The following NPLOC4 variants were observed in gnomAD, a reference collection of about 807,000 sequenced individuals.
The protein encoded by NPLOC4 is nuclear protein localization protein 4 homolog.
In NPLOC4, 18 loss-of-function variants were observed where a neutral mutation model predicts 80.6. That is an observed-to-expected ratio of 0.22 (90% CI 0.15 to 0.33). NPLOC4 has a LOEUF of 0.33. NPLOC4 is among the 10% of genes least tolerant of loss of function. The pLI, the probability that NPLOC4 is intolerant of heterozygous loss-of-function variation, is 1.00. For missense variants in NPLOC4, 540 were observed against 786.1 expected, an observed-to-expected ratio of 0.69 and a Z score of 3.74; for synonymous variants, 313 against 301.5, an observed-to-expected ratio of 1.04 and a Z score of -0.39.
At chr17:81,621,140 A>G (rs1041230101) in intron 3 of NPLOC4, among the ~76,000 whole-genome samples, 4 of 152,188 alleles carry the variant, frequency 2.6e-5, no homozygotes, top group African/African-American at 9.6e-5. Context: ...AAAAGAAAAA[A>G]AAAAGAAAAA....
At chr17:81,565,396 G>T in intron 16 of NPLOC4, 109 bp downstream of exon 16, 1 of 946,248 alleles carries the variant, frequency 1.1e-6, no homozygotes, top group Non-Finnish European at 1.6e-6. Flanking sequence ...CTGCCAGGAT[G>T]CAGCTGGGTG....
chr17:81,588,310 A>G (rs2034643741), intron 12 of NPLOC4: 1 of 152,254 alleles, frequency 6.6e-6, no homozygotes, highest in Non-Finnish European at 1.5e-5. Context: ...GAGTAGCTGC[A>G]ATTGGCAGGA....
intron 8 of NPLOC4, among the ~76,000 whole-genome samples, chr17:81,602,919 A>G (rs1446187936): frequency 7.6e-6 from 1 of 131,602 alleles, no homozygotes; most frequent in East Asian, 2.1e-4. Context: ...ATATATGTAT[A>G]TATACACACA....
rs150951926 is a variant in NPLOC4, at chr17:81,584,953, T to A, written c.1281+3991A>T. Among the ~76,000 whole-genome samples, 328 of 152,054 alleles carry A rather than the reference T, an allele frequency of 2.2e-3. 4 individuals are homozygous for A. Among genetic ancestry groups the A allele is most frequent in the African/African-American group, 7.4e-3 (306 of 41,476 alleles). On this transcript the variant is annotated intron_variant, in intron 12 of 16. Coordinates refer to ENST00000331134, the MANE Select transcript of NPLOC4 (RefSeq NM_017921.4). ...AGGCCGAGGTGGGCAGATTGCCTGC[T>A]GAGCTCAGGAGTTCATGACCAGCCT...
At position 81,610,186 on chromosome 17, in the gene NPLOC4, AACTT is replaced by A; in HGVS notation, c.435+20_435+23del. ...CCCGCAGCCCCCCACACTGGCCCAG[AACTT>A]ACTCCGCAGAGACTCTCACCTCTAG... On this transcript the variant is annotated intron_variant, in intron 5 of 16. Transcript: ENST00000331134. 6.4e-7 allele frequency: 1 copy of A among 1,563,544 alleles called. No individual in the cohort carries two copies. The highest frequency in any genetic ancestry group is 8.7e-7 in the Non-Finnish European group (1 of 1,154,270).
intron 8 of NPLOC4, among the ~76,000 whole-genome samples, chr17:81,602,253 A>C (rs1313391663): frequency 6.6e-6 from 1 of 152,078 alleles, no homozygotes; most frequent in African/African-American, 2.4e-5. Context: ...AAACAAACAA[A>C]AAACAAACTT....
At position 81,558,921 on chromosome 17, in the gene NPLOC4, C is replaced by T. The variant is rs897976694; in HGVS notation, c.*338G>A. The T allele has an allele frequency of 5.6e-5, 12 of 214,934 alleles. No individual in the cohort carries two copies. The highest frequency in any genetic ancestry group is 9.2e-5 in the Non-Finnish European group (10 of 109,230). 13.3% of individuals were successfully genotyped at this position (214,934 alleles called of 1,614,324 possible). ...AGAGAAGGCTGGGTGGTGGCAGCAT[C>T]GGCCCCTCCCTGTGCGCCCCAATTC... On this transcript the variant is annotated 3_prime_UTR_variant, in exon 17 of 17. Coordinates refer to ENST00000331134, the MANE Select transcript of NPLOC4 (RefSeq NM_017921.4).
intron 8 of NPLOC4, among the ~76,000 whole-genome samples, chr17:81,603,840 AC>A (rs1272510200): frequency 2.6e-5 from 4 of 152,212 alleles, no homozygotes; most frequent in African/African-American, 9.6e-5. Flanking sequence ...ATATTTGCTT[AC>A]TTTTTTACTT....
chr17:81,591,447 G>GAAAACAAAAAAA (rs2034737707), intron 11 of NPLOC4, among the ~76,000 whole-genome samples: 1 of 76,326 alleles, frequency 1.3e-5, no homozygotes, highest in Non-Finnish European at 2.4e-5. Flanking sequence ...GAGTAAAACA[G>GAAAACAAAAAAA]AAAAAAAAAA....
In NPLOC4 at chr17:81,569,030, A is replaced by C; in HGVS notation, c.1435T>G (p.Leu479Val). The change falls in exon 14 of 17, where the codon TTG (leucine) becomes GTG (valine). Residue 479 changes from leucine to valine, a missense_variant. Physicochemically the swap from Leu to Val is conservative, Grantham distance 32 (BLOSUM62 1). This residue lies in a region of NPLOC4 where 251 missense variants were observed against 377.5 expected (regional missense o/e 0.66). Coordinates refer to ENST00000331134, the MANE Select transcript of NPLOC4 (RefSeq NM_017921.4). ...NPFPIENRDV[L>V]GETQDFHSLA... ...AAAGAGCTCACCTGTGTCTCACCCA[A>C]TACATCCCGGTTTTCAATAGGAAAT... The C allele has an allele frequency of 6.2e-7, 1 of 1,606,834 alleles. No homozygotes were observed. The highest frequency in any genetic ancestry group is 1.1e-5 in the South Asian group (1 of 90,918).
At position 81,618,448 on chromosome 17, in the gene NPLOC4, C is replaced by A. The variant is rs1259371846; in HGVS notation, c.209+3718G>T. On this transcript the variant is annotated intron_variant, in intron 3 of 16. Coordinates refer to ENST00000331134, the MANE Select transcript of NPLOC4 (RefSeq NM_017921.4). Reference sequence around the variant, plus strand: ...GCCGCCCCGTCTGGGAAGTGAGGAGCGTCTCCGCCTGGCAGCCACCCCGTC... The same window carrying A: ...GCCGCCCCGTCTGGGAAGTGAGGAGAGTCTCCGCCTGGCAGCCACCCCGTC... Among the ~76,000 whole-genome samples, 9 of 150,778 alleles carry A rather than the reference C, an allele frequency of 6.0e-5. No individual in the cohort carries two copies. In the East Asian group the frequency reaches 1.8e-3, roughly 30 times the overall value.
intron 16 of NPLOC4, chr17:81,564,037 C>A: frequency 2.4e-6 from 1 of 411,376 alleles, no homozygotes. Flanking sequence ...GCTAAGATTG[C>A]GCCACTGCAC....
intron 11 of NPLOC4, among the ~76,000 whole-genome samples, chr17:81,591,684 AC>A (rs2034748930): frequency 1.3e-5 from 2 of 152,274 alleles, no homozygotes; most frequent in South Asian, 4.1e-4. Flanking sequence ...AGCAGGACAT[AC>A]ATGTCCTGAT....
At chr17:81,604,762 T>A in intron 7 of NPLOC4, 35 bp from the exon 8 acceptor site, 1 of 1,548,318 alleles carries the variant, frequency 6.5e-7, no homozygotes, top group Non-Finnish European at 8.8e-7. Context: ...GATGAAAACA[T>A]GCCATCAAAA....
At chr17:81,615,522 T>G (rs1477303808) in intron 3 of NPLOC4, among the ~76,000 whole-genome samples, 2 of 152,160 alleles carry the variant, frequency 1.3e-5, no homozygotes, top group Non-Finnish European at 2.9e-5. Context: ...ATTGATGAGC[T>G]CTAAAGAAAG....
Position 81,557,665 on chromosome 17 carries a change from G to A in NPLOC4, c.*1594C>T, listed in dbSNP as rs1449613726. ...CAAAACTTCAGTGTGACAGCTGCTA[G>A]GAGGGAGAGCAGACAGCCCGCGGTG... On this transcript the variant is annotated 3_prime_UTR_variant, in exon 17 of 17. Coordinates refer to ENST00000331134, the MANE Select transcript of NPLOC4 (RefSeq NM_017921.4). 6.6e-6 allele frequency: 1 copy of A among 152,332 alleles called. No homozygotes were observed. Among genetic ancestry groups the A allele is most frequent in the Non-Finnish European group, 1.5e-5 (1 of 68,106 alleles). 9.4% of individuals were successfully genotyped at this position (152,332 alleles called of 1,614,324 possible).
At chr17:81,623,666 T>C (rs1367656516) in intron 2 of NPLOC4, among the ~76,000 whole-genome samples, 1 of 149,654 alleles carries the variant, frequency 6.7e-6, no homozygotes, top group African/African-American at 2.5e-5. Context: ...GGCGTGGTGG[T>C]GGGCGCCTGC....
intron 16 of NPLOC4, 135 bp downstream of exon 16, chr17:81,565,370 G>A: frequency 1.3e-6 from 1 of 785,518 alleles, no homozygotes; most frequent in Non-Finnish European, 2.2e-6. Flanking sequence ...TCTACTCGTT[G>A]CATTGCCGAT....
At chr17:81,600,014 C>T (rs551104679) in intron 9 of NPLOC4, among the ~76,000 whole-genome samples, 18 of 152,038 alleles carry the variant, frequency 1.2e-4, no homozygotes, top group Non-Finnish European at 2.5e-4. Context: ...AGCAGGGGTG[C>T]GGCTGGGGTC....
Sources: allele counts gnomAD v4.1 joint callset (sites outside exome capture counted in the v4.1 genomes callset), GRCh38; gene constraint gnomAD v4.1.1; regional missense constraint gnomAD v4.1.1; transcripts MANE v1.5; gene names NCBI Gene and HGNC (gene_info 2026-07-23, HGNC 2026-07-21).